The following TRAP1 variants were observed in gnomAD, a reference collection of about 807,000 sequenced individuals.
TRAP1 encodes heat shock protein 75 kDa, mitochondrial.
Under a neutral mutation model 89.1 loss-of-function variants are expected in TRAP1, and 102 were observed. The observed-to-expected ratio is 1.15, with a 90% CI of 0.98 to 1.35. The LOEUF is 1.35. TRAP1 is among the 40% of genes most tolerant of loss of function. The pLI, the probability that TRAP1 is intolerant of heterozygous loss-of-function variation, is 0.00. For synonymous variants in TRAP1, 508 were observed against 388.0 expected, an observed-to-expected ratio of 1.31 and a Z score of -3.64; for missense variants, 1,256 against 945.3, an observed-to-expected ratio of 1.33 and a Z score of -4.31.
intron 9 of TRAP1, among the ~76,000 whole-genome samples, chr16:3,673,146 C>T (rs192503226): frequency 1.5e-4 from 23 of 152,310 alleles, no homozygotes; most frequent in African/African-American, 4.3e-4. Context: ...AAGAGCCCTC[C>T]GACCAGATCC....
intron 12 of TRAP1, among the ~76,000 whole-genome samples, chr16:3,665,680 A>G (rs971553818): frequency 6.6e-6 from 1 of 152,098 alleles, no homozygotes; most frequent in Non-Finnish European, 1.5e-5. Flanking sequence ...CTGAGGGGAG[A>G]CAGTGTGTGC....
At chr16:3,688,707 C>T (rs2151268134) in intron 3 of TRAP1, among the ~76,000 whole-genome samples, 1 of 152,234 alleles carries the variant, frequency 6.6e-6, no homozygotes, top group Admixed American at 6.6e-5. Context: ...TGGTCTCAAA[C>T]TCCTGGGCTC....
At chr16:3,717,016 G>T (rs1180515100) in intron 1 of TRAP1, among the ~76,000 whole-genome samples, 1 of 152,230 alleles carries the variant, frequency 6.6e-6, no homozygotes, top group African/African-American at 2.4e-5. Context: ...ACGATCCATG[G>T]AACTAGCACG....
chr16:3,674,292 G>A (rs1242512553), intron 9 of TRAP1, 47 bp downstream of exon 9: 2 of 1,604,490 alleles, frequency 1.2e-6, no homozygotes, highest in South Asian at 2.2e-5. Flanking sequence ...TGCCACAGGG[G>A]ACAACAGAGT....
chr16:3,706,636 T>A (rs998993140), intron 1 of TRAP1, among the ~76,000 whole-genome samples: 12 of 151,758 alleles, frequency 7.9e-5, no homozygotes, highest in Admixed American at 2.0e-4. Flanking sequence ...TTTTTAAAAA[T>A]TTTTTTTCGA....
intron 1 of TRAP1, among the ~76,000 whole-genome samples, chr16:3,716,375 T>G (rs934410455): frequency 6.6e-6 from 1 of 152,222 alleles, no homozygotes; most frequent in African/African-American, 2.4e-5. Flanking sequence ...ATACCGCACG[T>G]GAACAAATAT....
Position 3,707,254 on chromosome 16 carries a change from C to T in TRAP1, c.88+10167G>A, listed in dbSNP as rs1033114069. ...AGGCTGGAGTGCAGTGGCGGGATCT[C>T]GGCTCACTGCAAGCTCCGCCTCCCG... On this transcript the variant is annotated intron_variant, in intron 1 of 17. Transcript: ENST00000246957. Among the ~76,000 whole-genome samples, 3 of 145,954 alleles carry T rather than the reference C, an allele frequency of 2.1e-5. No individual in the cohort carries two copies. In the South Asian group the frequency reaches 6.5e-4, roughly 32 times the overall value.
At chr16:3,698,089 G>T (rs545302695) in intron 1 of TRAP1, among the ~76,000 whole-genome samples, 1 of 151,760 alleles carries the variant, frequency 6.6e-6, no homozygotes, top group South Asian at 2.1e-4. Context: ...GGGATTACAG[G>T]CACAAACCAC....
At chr16:3,702,274 G>C (rs1424828696) in intron 1 of TRAP1, among the ~76,000 whole-genome samples, 1 of 151,724 alleles carries the variant, frequency 6.6e-6, no homozygotes, top group Non-Finnish European at 1.5e-5. Context: ...AGACTAAGTG[G>C]ACCCAGCAAA....
intron 1 of TRAP1, among the ~76,000 whole-genome samples, chr16:3,698,033 G>A (rs1052885859): frequency 1.3e-5 from 2 of 151,724 alleles, no homozygotes; most frequent in East Asian, 1.9e-4. Flanking sequence ...GGATGGTCTC[G>A]AACTCCTGAC....
Position 3,679,798 on chromosome 16 carries a change from G to A in TRAP1, c.472-8C>T. ...CATCCCGATACCAGTATCCTGAGGA[G>A]AGAGACGCACTAAGTGCCAAGCCCC... On this transcript the variant is annotated splice_polypyrimidine_tract_variant and splice_region_variant and intron_variant, in intron 4 of 17. Transcript: ENST00000246957. The A allele has an allele frequency of 6.2e-7, 1 of 1,613,978 alleles. No individual in the cohort carries two copies. Among genetic ancestry groups the A allele is most frequent in the Non-Finnish European group, 8.5e-7 (1 of 1,179,982 alleles).
chr16:3,707,481 G>A (rs1298102345), intron 1 of TRAP1, among the ~76,000 whole-genome samples: 3 of 151,016 alleles, frequency 2.0e-5, no homozygotes, highest in Admixed American at 1.3e-4. Context: ...CACCGCGCCC[G>A]GCCTTAAGAG....
At chr16:3,667,996 T>TG (rs2151247426) in intron 11 of TRAP1, among the ~76,000 whole-genome samples, 1 of 151,282 alleles carries the variant, frequency 6.6e-6, no homozygotes, top group Admixed American at 6.6e-5. Context: ...TGGCGTGATT[T>TG]TGGCGCACTG....
intron 1 of TRAP1, among the ~76,000 whole-genome samples, chr16:3,706,720 T>C (rs7201881): frequency 0.26 from 39,726 of 151,980 alleles, 5,369 homozygotes; most frequent in East Asian, 0.44. Context: ...CTTGGCCTCC[T>C]GAAGTGCTGC....
intron 10 of TRAP1, 99 bp downstream of exon 10, chr16:3,672,601 G>C: frequency 6.9e-7 from 1 of 1,457,508 alleles, no homozygotes; most frequent in Non-Finnish European, 9.0e-7. Context: ...TGCTCTCGCT[G>C]CAGAGGGCTG....
intron 1 of TRAP1, among the ~76,000 whole-genome samples, chr16:3,702,359 G>A (rs938563665): frequency 6.6e-6 from 1 of 151,836 alleles, no homozygotes; most frequent in African/African-American, 2.4e-5. Context: ...GAGGTACAAG[G>A]TGAGAGCCAG....
In TRAP1 at chr16:3,661,890, G is replaced by A. The variant is rs1049195535; in HGVS notation, c.1940+97C>T. ...TTACCCACATGTCCACAGGCCTCAC[G>A]CACTTTTCTTCTGTGTCACATTCCA... On this transcript the variant is annotated intron_variant, in intron 16 of 17. Coordinates refer to ENST00000246957, the MANE Select transcript of TRAP1 (RefSeq NM_016292.3). 4.6e-5 allele frequency: 65 copies of A among 1,425,710 alleles called. No individual in the cohort carries two copies. In the Middle Eastern group the frequency reaches 2.8e-3, roughly 60 times the overall value. The allele number at this position is 1,425,710 out of a possible 1,614,324, so 88.3% of individuals were successfully genotyped here. A position where few individuals can be genotyped will look rare whatever the true frequency, so the allele number is the denominator to read the frequency against.
At chr16:3,715,121 G>A (rs896512140) in intron 1 of TRAP1, among the ~76,000 whole-genome samples, 1 of 152,234 alleles carries the variant, frequency 6.6e-6, no homozygotes, top group African/African-American at 2.4e-5. Context: ...TGGAGGACGA[G>A]AGGAGAGAGA....
intron 5 of TRAP1, chr16:3,678,118 C>T (rs2051024228): frequency 1.3e-5 from 2 of 157,742 alleles, no homozygotes; most frequent in South Asian, 1.9e-4. Context: ...AAGCACCGCA[C>T]AGCACTTCAT....
Sources: allele counts gnomAD v4.1 joint callset (sites outside exome capture counted in the v4.1 genomes callset), GRCh38; gene constraint gnomAD v4.1.1; transcripts MANE v1.5; gene names NCBI Gene and HGNC (gene_info 2026-07-23, HGNC 2026-07-21).